Variants in GRM7 observed in about 807,000 individuals in gnomAD.
The protein encoded by GRM7 is glutamate metabotropic receptor 7.
A neutral mutation model predicts 84.5 loss-of-function variants in GRM7; 35 were observed. The ratio of observed to expected loss-of-function variants is 0.41; its 90% CI spans 0.32 to 0.55. GRM7 has a LOEUF of 0.55. Among genes scored for constraint, GRM7 ranks in the 20% least tolerant of loss-of-function variants. The probability of loss-of-function intolerance (pLI) is 0.19; values close to 1 mark genes in which losing one functional copy is unlikely to be tolerated. For synonymous variants in GRM7, 487 were observed against 455.1 expected (o/e 1.07, Z -0.89); for missense variants, 1,003 against 1,194.6 (o/e 0.84, Z 2.36).
chr3:7,037,421 G>C (rs566640079), intron 1 of GRM7, among the ~76,000 whole-genome samples: 1 of 152,296 alleles, frequency 6.6e-6, no homozygotes, highest in South Asian at 2.1e-4. Context: ...TAATCTGCTT[G>C]TGTCTCTGTT....
intron 6 of GRM7, among the ~76,000 whole-genome samples, chr3:7,459,226 C>T (rs1404021044): frequency 6.6e-6 from 1 of 152,156 alleles, no homozygotes; most frequent in African/African-American, 2.4e-5. Flanking sequence ...GTGTTGCTCA[C>T]AGGAGATCGG....
intron 2 of GRM7, among the ~76,000 whole-genome samples, chr3:7,178,283 CT>C (rs998608393): frequency 6.6e-6 from 1 of 151,782 alleles, no homozygotes; most frequent in Non-Finnish European, 1.5e-5. Flanking sequence ...GACTTAGAAG[CT>C]TTTTTTTAGG....
At chr3:7,223,558 A>T (rs1369778634) in intron 2 of GRM7, among the ~76,000 whole-genome samples, 2 of 151,732 alleles carry the variant, frequency 1.3e-5, no homozygotes, top group Non-Finnish European at 2.9e-5. Context: ...CCTGAATTAT[A>T]TGTTCTCATC....
At chr3:7,213,070 C>T (rs1341312237) in intron 2 of GRM7, among the ~76,000 whole-genome samples, 3 of 152,134 alleles carry the variant, frequency 2.0e-5, no homozygotes, top group African/African-American at 4.8e-5. Flanking sequence ...TATTTTTATG[C>T]GTTTACCTCC....
chr3:7,485,866 C>T (rs1699300610), intron 7 of GRM7, among the ~76,000 whole-genome samples: 1 of 152,136 alleles, frequency 6.6e-6, no homozygotes, highest in Non-Finnish European at 1.5e-5. Flanking sequence ...ACTCTGTTCA[C>T]ATGTAAGAGT....
chr3:7,670,521 C>G (rs1417073655), intron 8 of GRM7, among the ~76,000 whole-genome samples: 2 of 152,012 alleles, frequency 1.3e-5, no homozygotes, highest in African/African-American at 4.8e-5. Context: ...TTTAATGAAC[C>G]CTTTACAAGT....
chr3:7,005,557 T>G (rs1695153620), intron 1 of GRM7, among the ~76,000 whole-genome samples: 1 of 152,218 alleles, frequency 6.6e-6, no homozygotes, highest in Non-Finnish European at 1.5e-5. Flanking sequence ...TAAAACATAC[T>G]TCATAAGAAC....
chr3:7,738,735 TTTTC>T (rs933925245), intron 9 of GRM7, among the ~76,000 whole-genome samples: 1 of 141,132 alleles, frequency 7.1e-6, no homozygotes. Context: ...TTTTTTTTTT[TTTTC>T]CCCTTCTTTT....
intron 2 of GRM7, among the ~76,000 whole-genome samples, chr3:7,222,273 T>C (rs192485701): frequency 9.0e-4 from 137 of 152,178 alleles, no homozygotes; most frequent in Non-Finnish European, 1.4e-3. Flanking sequence ...GATCATTGAA[T>C]CAAACACTAC....
At chr3:7,095,094 G>A (rs755244090) in intron 1 of GRM7, among the ~76,000 whole-genome samples, 2 of 151,870 alleles carry the variant, frequency 1.3e-5, no homozygotes, top group African/African-American at 2.4e-5. Flanking sequence ...TTGGTCTCTG[G>A]TGTTGATTTA....
At chr3:7,471,518 G>T (rs1698700402) in intron 7 of GRM7, among the ~76,000 whole-genome samples, 1 of 152,098 alleles carries the variant, frequency 6.6e-6, no homozygotes, top group African/African-American at 2.4e-5. Context: ...AGCTGGCAAT[G>T]GCAGGTCAAG....
chr3:7,425,043 C>T (rs1205557138), intron 5 of GRM7, among the ~76,000 whole-genome samples: 1 of 152,104 alleles, frequency 6.6e-6, no homozygotes, highest in East Asian at 1.9e-4. Context: ...TGCCTAGTTG[C>T]CTCCCAAGAC....
intron 1 of GRM7, among the ~76,000 whole-genome samples, chr3:6,892,251 G>T (rs1037598545): frequency 6.6e-6 from 1 of 152,114 alleles, no homozygotes; most frequent in East Asian, 1.9e-4. Context: ...ATATGAGGAA[G>T]CAAGGACCTC....
chr3:6,861,302 G>A lies in GRM7; in HGVS notation c.-87G>A. 1 of 1,221,452 alleles carries A rather than the reference G, an allele frequency of 8.2e-7. No individual in the cohort carries two copies. Among genetic ancestry groups the A allele is most frequent in the Non-Finnish European group, 1.1e-6 (1 of 932,578 alleles). 75.7% of individuals were successfully genotyped at this position (1,221,452 alleles called of 1,614,324 possible). A position where few individuals can be genotyped will look rare whatever the true frequency, so the allele number is the denominator to read the frequency against. On this transcript the variant is annotated 5_prime_UTR_variant, in exon 1 of 10. Coordinates refer to ENST00000357716, the MANE Select transcript of GRM7 (RefSeq NM_000844.4). The surrounding 1 kb of genome is among the most constrained non-coding windows in gnomAD (Gnocchi z 6.4). ...GCAGGAGCCCCTGGGCTTTCCCGGA[G>A]GAGCTCGCCCTGAAGGGCCCGGACC...
chr3:7,052,263 T>C (rs747966116), intron 1 of GRM7, among the ~76,000 whole-genome samples: 3 of 151,752 alleles, frequency 2.0e-5, no homozygotes, highest in Non-Finnish European at 4.4e-5. Flanking sequence ...CCCTGTTCTC[T>C]GCTTCACAGT....
intron 7 of GRM7, among the ~76,000 whole-genome samples, chr3:7,554,457 C>G (rs1348208293): frequency 6.6e-6 from 1 of 152,136 alleles, no homozygotes; most frequent in Non-Finnish European, 1.5e-5. Flanking sequence ...TACAGTTGAG[C>G]AAATGTGACA....
At chr3:7,146,322 G>A in intron 1 of GRM7, 130 bp from the exon 2 acceptor site, 3 of 699,258 alleles carry the variant, frequency 4.3e-6, no homozygotes, top group Non-Finnish European at 7.6e-6. Context: ...AAATTACATG[G>A]TGGTGTTTGG....
rs2125070441 is a variant in GRM7 at position 7,151,540 on chromosome 3, T to A, written c.736+4872T>A. 6.6e-6 allele frequency among the ~76,000 whole-genome samples: 1 copy of A among 152,312 alleles called. No individual in the cohort carries two copies. The highest frequency in any genetic ancestry group is 2.1e-4 in the South Asian group (1 of 4,830). ...CAATGTTCTATCTTGTGGTGTGCAT[T>A]GCCCATTGTTAGTCTTTGCCAATTT... On this transcript the variant is annotated intron_variant, in intron 2 of 9. Coordinates refer to ENST00000357716, the MANE Select transcript of GRM7 (RefSeq NM_000844.4). The surrounding 1 kb of genome is among the most constrained non-coding windows in gnomAD (Gnocchi z 4.5).
At position 7,123,115 on chromosome 3, in the gene GRM7, G is replaced by A. The variant is rs142943902; in HGVS notation, c.520-23337G>A. On this transcript the variant is annotated intron_variant, in intron 1 of 9. Transcript: ENST00000357716. The stretch of plus-strand genomic sequence containing the variant: ...TAAATGCACGATTCATGCAAATAAT[G>A]TATCCATCTTCTGCTCCTTTCATTT... Among the ~76,000 whole-genome samples the A allele has an allele frequency of 3.2e-3, 481 of 152,342 alleles. 5 individuals are homozygous for A. Among genetic ancestry groups the A allele is most frequent in the African/African-American group, 0.011 (461 of 41,586 alleles).
Sources: gnomAD v4.1 joint callset for allele counts (sites outside exome capture counted in the v4.1 genomes callset) on GRCh38, gnomAD v4.1.1 for gene constraint, Gnocchi (gnomAD v3.1) non-coding constraint, MANE v1.5 for transcripts, NCBI Gene and HGNC (gene_info 2026-07-23, HGNC 2026-07-21) for gene names.